PSMD14: variants seen among roughly 807,000 people sequenced by gnomAD.
The protein encoded by PSMD14 is proteasome 26S subunit, non-ATPase 14.
PSMD14 carries 7 observed loss-of-function variants against 41.2 expected under a neutral mutation model. The observed-to-expected ratio is 0.17, with a 90% confidence interval of 0.10 to 0.32. The LOEUF is 0.32. PSMD14 is among the 10% of genes least tolerant of loss of function. The pLI is 1.00. For synonymous variants in PSMD14, 114 were observed against 122.3 expected (o/e 0.93, Z 0.45); for missense variants, 139 against 375.6 (o/e 0.37, Z 5.21).
chr2:161,392,112 C>T (rs1683720356), intron 9 of PSMD14, among the ~76,000 whole-genome samples: 1 of 152,156 alleles, frequency 6.6e-6, no homozygotes, highest in South Asian at 2.1e-4. Flanking sequence ...TACAGTTTTT[C>T]TCTCAACTAA....
intron 3 of PSMD14, among the ~76,000 whole-genome samples, chr2:161,326,118 A>G (rs183284646): frequency 2.6e-5 from 4 of 152,182 alleles, no homozygotes; most frequent in Admixed American, 1.3e-4. Flanking sequence ...GCTCATTGCA[A>G]CCTCCACCTC....
At chr2:161,410,111 T>C (rs764002696) in intron 11 of PSMD14, among the ~76,000 whole-genome samples, 4 of 152,134 alleles carry the variant, frequency 2.6e-5, no homozygotes, top group African/African-American at 7.2e-5. Flanking sequence ...TTTAAAAATA[T>C]AGTTATTACC....
chr2:161,345,145 A>G (rs1174140074), intron 3 of PSMD14, among the ~76,000 whole-genome samples: 1 of 151,344 alleles, frequency 6.6e-6, no homozygotes, highest in Non-Finnish European at 1.5e-5. Flanking sequence ...TCCTCATTTA[A>G]TTGTCTTGGT....
At chr2:161,326,442 T>C (rs189722883) in intron 3 of PSMD14, among the ~76,000 whole-genome samples, 1 of 152,306 alleles carries the variant, frequency 6.6e-6, no homozygotes, top group East Asian at 1.9e-4. Flanking sequence ...TTAGAACTCT[T>C]GTACATTGAT....
At position 161,341,131 on chromosome 2, in the gene PSMD14, C is replaced by T. The variant is rs1435590252; in HGVS notation, c.48+22258C>T. 30 of 1,266,752 alleles carry T rather than the reference C, an allele frequency of 2.4e-5. No individual in the cohort carries two copies. In the East Asian group the frequency reaches 3.3e-4, roughly 14 times the overall value. The allele number at this position is 1,266,752 out of a possible 1,614,324, so 78.5% of individuals were successfully genotyped here. ...GGCTCCTCCGGCCCCGCGGGCGAGG[C>T]CGCCGGCTCGGGGGCGCAGGGGCGG... is the stretch of plus-strand genomic sequence containing the variant. On this transcript the variant is annotated intron_variant, in intron 3 of 11. Coordinates refer to ENST00000409682, the MANE Select transcript of PSMD14 (RefSeq NM_005805.6).
At chr2:161,370,010 C>T in intron 5 of PSMD14, 97 bp from the exon 6 acceptor site, 2 of 799,880 alleles carry the variant, frequency 2.5e-6, no homozygotes, top group South Asian at 1.9e-5. Flanking sequence ...GGTATCAAAA[C>T]CTATAAAATG....
chr2:161,404,267 G>C (rs971680465), intron 10 of PSMD14, among the ~76,000 whole-genome samples: 1 of 152,078 alleles, frequency 6.6e-6, no homozygotes, highest in Non-Finnish European at 1.5e-5. Flanking sequence ...TGTGAATTCA[G>C]ATATTGTCTC....
At chr2:161,338,312 G>A (rs939224393) in intron 3 of PSMD14, among the ~76,000 whole-genome samples, 2 of 150,806 alleles carry the variant, frequency 1.3e-5, no homozygotes, top group Non-Finnish European at 2.9e-5. Flanking sequence ...GCCCTATAAC[G>A]CAGTTATATT....
intron 1 of PSMD14, among the ~76,000 whole-genome samples, chr2:161,312,789 T>C (rs995119469): frequency 6.6e-6 from 1 of 152,236 alleles, no homozygotes; most frequent in Non-Finnish European, 1.5e-5. Flanking sequence ...TTCCCTTTTA[T>C]GTTAAGTATA....
At chr2:161,372,453 A>T (rs1683448841) in intron 7 of PSMD14, among the ~76,000 whole-genome samples, 1 of 151,986 alleles carries the variant, frequency 6.6e-6, no homozygotes, top group Admixed American at 6.6e-5. Context: ...TTCTGACATC[A>T]TGTCATTATC....
intron 1 of PSMD14, among the ~76,000 whole-genome samples, chr2:161,312,174 C>G (rs28375809): frequency 3.4e-5 from 5 of 146,466 alleles, no homozygotes; most frequent in Admixed American, 3.4e-4. Flanking sequence ...GATGGAGTAT[C>G]GTTCTGTCAC....
chr2:161,373,186 ATATG>A (rs970860086), intron 7 of PSMD14, among the ~76,000 whole-genome samples: 3 of 151,896 alleles, frequency 2.0e-5, no homozygotes, highest in Non-Finnish European at 4.4e-5. Context: ...TCATTTAAAA[ATATG>A]TATGTGTCAC....
chr2:161,320,709 GTTTATTA>G (rs1682562235), intron 3 of PSMD14, among the ~76,000 whole-genome samples: 1 of 151,688 alleles, frequency 6.6e-6, no homozygotes, highest in South Asian at 2.1e-4. Context: ...TAAGAATGTT[GTTTATTA>G]TTTATTTATT....
rs377570868 is a variant in PSMD14 at position 161,387,735 on chromosome 2, T to C, written c.570+2164T>C. Among the ~76,000 whole-genome samples the C allele has an allele frequency of 1.4e-4, 21 of 152,180 alleles. No individual in the cohort carries two copies. The South Asian group carries it at 4.1e-3, about 30-fold the overall frequency. On this transcript the variant is annotated intron_variant, in intron 8 of 11. Transcript: ENST00000409682. ...TGGTTACCTTTGGATGGTAGAATTA[T>C]GAGATTTTTTTGTCTTTCCTTGTCC...
intron 3 of PSMD14, among the ~76,000 whole-genome samples, chr2:161,340,065 A>G (rs533772080): frequency 1.4e-3 from 219 of 152,368 alleles, no homozygotes; most frequent in African/African-American, 5.0e-3. Flanking sequence ...GAAAAGGCAT[A>G]GGTCAAGAAA....
chr2:161,366,859 G>T (rs1032793072), intron 3 of PSMD14, among the ~76,000 whole-genome samples: 2 of 152,152 alleles, frequency 1.3e-5, no homozygotes, highest in Non-Finnish European at 1.5e-5. Flanking sequence ...TGTTTTAAAG[G>T]TAGTGGTTAG....
At chr2:161,349,388 A>G (rs1683086872) in intron 3 of PSMD14, among the ~76,000 whole-genome samples, 1 of 152,160 alleles carries the variant, frequency 6.6e-6, no homozygotes, top group Non-Finnish European at 1.5e-5. Flanking sequence ...CCTGCTTGGC[A>G]TGTTTGTGGG....
rs1261875192 is a variant in PSMD14 at position 161,323,953 on chromosome 2, G to T, written c.48+5080G>T. 2.0e-5 allele frequency among the ~76,000 whole-genome samples: 3 copies of T among 152,276 alleles called. No individual in the cohort carries two copies. The East Asian group carries it at 5.8e-4, about 29-fold the overall frequency. Reference sequence around the variant, plus strand: ...TTGTCTTTATAACAACTCCACCTAGGTCTTGGCATCTAAACGATTTCCAAA... The same window carrying T: ...TTGTCTTTATAACAACTCCACCTAGTTCTTGGCATCTAAACGATTTCCAAA... On this transcript the variant is annotated intron_variant, in intron 3 of 11. Coordinates refer to ENST00000409682, the MANE Select transcript of PSMD14 (RefSeq NM_005805.6).
chr2:161,336,420 C>T (rs536649673), intron 3 of PSMD14, among the ~76,000 whole-genome samples: 70 of 152,100 alleles, frequency 4.6e-4, no homozygotes, highest in African/African-American at 1.6e-3. Flanking sequence ...GTTCTAAAAC[C>T]GGATGAATTA....
Sources: gnomAD v4.1 joint callset for allele counts (sites outside exome capture counted in the v4.1 genomes callset) on GRCh38, gnomAD v4.1.1 for gene constraint, MANE v1.5 for transcripts, NCBI Gene and HGNC (gene_info 2026-07-23, HGNC 2026-07-21) for gene names.